GABRG3: variants seen among roughly 807,000 people sequenced by gnomAD.
GABRG3 encodes the protein gamma-aminobutyric acid type A receptor subunit gamma3.
Under a neutral mutation model 48.8 loss-of-function variants are expected in GABRG3, and 25 were observed. The observed-to-expected ratio is 0.51, with a 90% CI of 0.37 to 0.72. The LOEUF (loss-of-function observed/expected upper bound fraction) is 0.72. GABRG3 is among the 30% of genes least tolerant of loss of function. GABRG3 has a pLI of 0.00. For missense variants in GABRG3, 394 were observed against 577.9 expected (o/e 0.68, Z 3.26); for synonymous variants, 227 against 217.6 (o/e 1.04, Z -0.38).
intron 3 of GABRG3, among the ~76,000 whole-genome samples, chr15:27,189,818 ATGCTTCC>A (rs1888233105): frequency 6.6e-6 from 1 of 152,104 alleles, no homozygotes; most frequent in Non-Finnish European, 1.5e-5. Context: ...TTCAAAGGGA[ATGCTTCC>A]AGTTTTTGCC....
At chr15:27,358,267 C>G (rs549751262) in intron 5 of GABRG3, among the ~76,000 whole-genome samples, 1 of 152,126 alleles carries the variant, frequency 6.6e-6, no homozygotes, top group Non-Finnish European at 1.5e-5. Context: ...GTTGCTCTTA[C>G]GAGTGAAAAT....
At chr15:27,426,870 C>T (rs752104815) in intron 5 of GABRG3, among the ~76,000 whole-genome samples, 1 of 152,024 alleles carries the variant, frequency 6.6e-6, no homozygotes. Context: ...TCAAGGGTTC[C>T]TCTGCTGCTT....
chr15:27,178,791 C>A (rs1887828115), intron 3 of GABRG3, among the ~76,000 whole-genome samples: 1 of 152,178 alleles, frequency 6.6e-6, no homozygotes, highest in Non-Finnish European at 1.5e-5. Context: ...ACATATTCCT[C>A]TTTTCTGGGT....
At chr15:27,005,933 T>C (rs1895575491) in intron 2 of GABRG3, among the ~76,000 whole-genome samples, 2 of 152,218 alleles carry the variant, frequency 1.3e-5, no homozygotes, top group African/African-American at 4.8e-5. Context: ...TAACTTGATA[T>C]ATATGTTCAC....
At chr15:27,325,842 G>C (rs1893595003) in intron 3 of GABRG3, among the ~76,000 whole-genome samples, 1 of 152,188 alleles carries the variant, frequency 6.6e-6, no homozygotes, top group Non-Finnish European at 1.5e-5. Context: ...TCAGTGGAAA[G>C]GGTAAATATG....
chr15:27,437,424 G>T (rs1247617481), intron 5 of GABRG3, among the ~76,000 whole-genome samples: 1 of 152,140 alleles, frequency 6.6e-6, no homozygotes, highest in Non-Finnish European at 1.5e-5. Context: ...ATTTCACTTA[G>T]AACAGAGGAA....
rs1278888074 is a variant in GABRG3 at position 27,179,762 on chromosome 15, A to C, written c.271-147047A>C. ...GTGTGAATTTTGAATGCTGTGGGAA[A>C]GATGGAAGCCAAAGATGCACCGGGT... On this transcript the variant is annotated intron_variant, in intron 3 of 9. Coordinates refer to ENST00000615808, the MANE Select transcript of GABRG3 (RefSeq NM_033223.5). The surrounding 1 kb of genome is among the most constrained non-coding windows in gnomAD (Gnocchi z 4.0). Among the ~76,000 whole-genome samples, 1 of 152,164 alleles carries C rather than the reference A, an allele frequency of 6.6e-6. No homozygotes were observed. Among genetic ancestry groups the C allele is most frequent in the Non-Finnish European group, 1.5e-5 (1 of 68,038 alleles).
At chr15:27,134,545 T>G (rs1350266567) in intron 3 of GABRG3, among the ~76,000 whole-genome samples, 1 of 152,194 alleles carries the variant, frequency 6.6e-6, no homozygotes, top group African/African-American at 2.4e-5. Flanking sequence ...CTAGCACTGC[T>G]GAGGCCCTGT....
intron 3 of GABRG3, among the ~76,000 whole-genome samples, chr15:27,144,470 A>C (rs1166935344): frequency 1.3e-5 from 2 of 152,222 alleles, no homozygotes; most frequent in Non-Finnish European, 1.5e-5. Flanking sequence ...GAGCTCTCCC[A>C]GTAGAAATAG....
intron 2 of GABRG3, among the ~76,000 whole-genome samples, chr15:26,980,108 G>T (rs781541177): frequency 3.3e-5 from 5 of 151,964 alleles, no homozygotes; most frequent in Non-Finnish European, 5.9e-5. Context: ...GTTTAGCATT[G>T]TTCATGATAT....
chr15:27,258,102 G>C (rs1445519436), intron 3 of GABRG3, among the ~76,000 whole-genome samples: 1 of 152,136 alleles, frequency 6.6e-6, no homozygotes, highest in Non-Finnish European at 1.5e-5. Context: ...GTAATGACGG[G>C]CTGAGGGGTG....
chr15:27,085,216 A>G (rs1209317595), intron 3 of GABRG3, among the ~76,000 whole-genome samples: 1 of 152,164 alleles, frequency 6.6e-6, no homozygotes, highest in Non-Finnish European at 1.5e-5. Context: ...ACCTCATGGG[A>G]TGTCACATCT....
At chr15:27,458,434 T>A (rs1242360808) in intron 5 of GABRG3, among the ~76,000 whole-genome samples, 2 of 152,202 alleles carry the variant, frequency 1.3e-5, no homozygotes, top group Admixed American at 1.3e-4. Context: ...TGGCCTAATT[T>A]AATACAGCCT....
chr15:27,020,875 A>G (rs1007413158), intron 2 of GABRG3, among the ~76,000 whole-genome samples: 23 of 152,162 alleles, frequency 1.5e-4, no homozygotes, highest in African/African-American at 4.3e-4. Context: ...ACGATCTTTT[A>G]TCAGCTCTTT....
chr15:27,001,495 G>T (rs765140143), intron 2 of GABRG3, among the ~76,000 whole-genome samples: 7 of 152,210 alleles, frequency 4.6e-5, no homozygotes, highest in Non-Finnish European at 8.8e-5. Context: ...CTGCTTCTCT[G>T]CAGGTTAGCA....
At chr15:27,292,682 A>G (rs1891835605) in intron 3 of GABRG3, among the ~76,000 whole-genome samples, 1 of 152,272 alleles carries the variant, frequency 6.6e-6, no homozygotes, top group East Asian at 1.9e-4. Flanking sequence ...ACAAAAAATA[A>G]TAATAATTCA....
At chr15:27,378,450 T>C (rs1228375040) in intron 5 of GABRG3, among the ~76,000 whole-genome samples, 1 of 152,184 alleles carries the variant, frequency 6.6e-6, no homozygotes, top group African/African-American at 2.4e-5. Context: ...CAATGGTGAA[T>C]AATAGATAAT....
At chr15:27,186,324 G>T (rs1888097068) in intron 3 of GABRG3, among the ~76,000 whole-genome samples, 1 of 152,034 alleles carries the variant, frequency 6.6e-6, no homozygotes, top group Non-Finnish European at 1.5e-5. Flanking sequence ...CATCCATGTT[G>T]TTCAAGGGAC....
intron 3 of GABRG3, among the ~76,000 whole-genome samples, chr15:27,102,333 AATC>A (rs1385646737): frequency 6.6e-6 from 1 of 152,228 alleles, no homozygotes; most frequent in Non-Finnish European, 1.5e-5. Context: ...GGAAATGACT[AATC>A]AGAATTTCCA....
Sources: gnomAD v4.1 joint callset for allele counts (sites outside exome capture counted in the v4.1 genomes callset) on GRCh38, gnomAD v4.1.1 for gene constraint, Gnocchi (gnomAD v3.1) non-coding constraint, MANE v1.5 for transcripts, NCBI Gene and HGNC (gene_info 2026-07-23, HGNC 2026-07-21) for gene names.